The following CLDN16 variants were observed in gnomAD, a reference collection of about 807,000 sequenced individuals.
CLDN16 encodes claudin 16, also known as claudin-16.
CLDN16 carries 13 observed loss-of-function variants against 24.6 expected under a neutral mutation model. The observed-to-expected ratio is 0.53, with a 90% CI of 0.34 to 0.84. The LOEUF is 0.84. CLDN16 is among the 40% of genes least tolerant of loss of function. CLDN16 has a pLI of 0.01. For missense variants in CLDN16, 298 were observed against 292.7 expected, an observed-to-expected ratio of 1.02 and a Z score of -0.13; for synonymous variants, 116 against 106.7, an observed-to-expected ratio of 1.09 and a Z score of -0.54.
intron 3 of CLDN16, among the ~76,000 whole-genome samples, chr3:190,377,968 T>C (rs1273179373): frequency 6.6e-6 from 1 of 151,902 alleles, no homozygotes; most frequent in African/African-American, 2.4e-5. Context: ...GAGAAAGATA[T>C]GGGGATAACA....
At chr3:190,340,732 C>T (rs1717409121) in intron 1 of CLDN16, among the ~76,000 whole-genome samples, 1 of 152,158 alleles carries the variant, frequency 6.6e-6, no homozygotes, top group Admixed American at 6.5e-5. Context: ...ACTCAAAAGT[C>T]CAAAATCTCA....
intron 1 of CLDN16, among the ~76,000 whole-genome samples, chr3:190,332,134 AT>A (rs1477573909): frequency 2.0e-5 from 3 of 152,232 alleles, no homozygotes; most frequent in Non-Finnish European, 2.9e-5. Context: ...AATATAACAT[AT>A]CTCTGAGTTT....
chr3:190,390,311 C>T lies in CLDN16; in HGVS notation c.114+1868C>T, dbSNP rs141484411. ...CAATACTTTGGAAGGCCGAGGCGGG[C>T]AGATCACAGGTCAAGAGATTGAGAC... On this transcript the variant is annotated intron_variant, in intron 1 of 4. Transcript: ENST00000264734. Among the ~76,000 whole-genome samples the T allele has an allele frequency of 1.0e-3, 156 of 152,270 alleles. 4 individuals carry two copies. Among genetic ancestry groups the T allele is most frequent in the Admixed American group, 6.6e-3 (101 of 15,288 alleles).
the CLDN16 span, chr3:190,312,923 C>T: frequency 1.2e-6 from 2 of 1,614,202 alleles, no homozygotes; most frequent in Admixed American, 3.3e-5. Flanking sequence ...ATCTTCTGCA[C>T]CTCATCGTCT....
At chr3:190,358,360 T>C (rs1273187445) in intron 1 of CLDN16, among the ~76,000 whole-genome samples, 1 of 151,950 alleles carries the variant, frequency 6.6e-6, no homozygotes, top group African/African-American at 2.4e-5. Flanking sequence ...TATCTAATCA[T>C]GAGTGCATTC....
chr3:190,307,923 A>G, the CLDN16 span: 1 of 183,844 alleles, frequency 5.4e-6, no homozygotes, highest in Non-Finnish European at 1.2e-5. Flanking sequence ...GCTAGTATCA[A>G]CATAATGAGA....
At chr3:190,329,360 C>T (rs9865082) in intron 1 of CLDN16, among the ~76,000 whole-genome samples, 19,713 of 152,144 alleles carry the variant, frequency 0.13, 1,451 homozygotes, top group Middle Eastern at 0.23. Flanking sequence ...TTTACCCAGT[C>T]ATCACAGGAC....
In CLDN16 at chr3:190,406,768, G is replaced by A. The variant is rs374209377; in HGVS notation, c.383-1546G>A. Among the ~76,000 whole-genome samples the A allele has an allele frequency of 3.4e-3, 443 of 131,722 alleles. 4 individuals carry two copies. Among genetic ancestry groups the A allele is most frequent in the African/African-American group, 0.012 (420 of 34,232 alleles). The allele number at this position is 131,722 out of a possible 152,430, so 86.4% of individuals were successfully genotyped here. ...TTTTTTTTTTTTTTTTTGAGATGGA[G>A]TCTCGCTCTGTCGCCCAGGCTGGAG... On this transcript the variant is annotated intron_variant, in intron 3 of 4. Coordinates refer to ENST00000264734, the MANE Select transcript of CLDN16 (RefSeq NM_006580.4).
In CLDN16 at chr3:190,359,411, C is replaced by T. The variant is rs548958863; in HGVS notation, n.122-11482C>T. On this transcript the variant is annotated intron_variant and non_coding_transcript_variant, in intron 1 of 4. Coordinates refer to the CLDN16 transcript ENST00000468220. The stretch of plus-strand genomic sequence containing the variant: ...TAGCTCTATGTAAGTGTTCAGTAAA[C>T]TCTAATTGAATTAAATGAGTGGAAT... 5.9e-5 allele frequency among the ~76,000 whole-genome samples: 9 copies of T among 152,142 alleles called. 1 individual carries two copies. In the South Asian group the frequency reaches 1.9e-3, roughly 32 times the overall value.
rs555781902 is a variant in CLDN16, at chr3:190,324,637, G to A, written n.121+1976G>A. On this transcript the variant is annotated intron_variant and non_coding_transcript_variant, in intron 1 of 4. Coordinates refer to the CLDN16 transcript ENST00000468220. ...GAGGGATGAGTTCTGTGGTCAGCAG[G>A]GTCCCGTGTTTTTGTTTTGTATTTC... 2.1e-3 allele frequency among the ~76,000 whole-genome samples: 319 copies of A among 152,236 alleles called. 1 individual carries two copies. The highest frequency in any genetic ancestry group is 3.9e-3 in the Non-Finnish European group (262 of 68,012).
At chr3:190,374,649 C>A (rs1424625255) in intron 3 of CLDN16, 2 of 151,928 alleles carry the variant, frequency 1.3e-5, no homozygotes, top group African/African-American at 4.8e-5. Context: ...TAGACATTAG[C>A]TTTCTAGATA....
upstream of CLDN16, chr3:190,321,934 A>T: frequency 7.0e-7 from 1 of 1,427,460 alleles, no homozygotes. Flanking sequence ...AGGGAGCTGC[A>T]GGGGGACTGG....
chr3:190,331,608 G>A (rs9876372), intron 1 of CLDN16, among the ~76,000 whole-genome samples: 18,831 of 152,038 alleles, frequency 0.12, 1,297 homozygotes, highest in Middle Eastern at 0.23. Context: ...GCCACCTCAC[G>A]TACTTATGTT....
intron 1 of CLDN16, among the ~76,000 whole-genome samples, chr3:190,391,616 A>T (rs1320243475): frequency 6.6e-6 from 1 of 152,316 alleles, no homozygotes; most frequent in East Asian, 1.9e-4. Flanking sequence ...GGCCTTTCAG[A>T]TAAGGGGACA....
At chr3:190,382,379 T>C (rs1326101437) in intron 3 of CLDN16, among the ~76,000 whole-genome samples, 7 of 152,144 alleles carry the variant, frequency 4.6e-5, no homozygotes, top group African/African-American at 1.2e-4. Context: ...ACTGAGTAAT[T>C]GCTGAGGTTT....
intron 1 of CLDN16, among the ~76,000 whole-genome samples, chr3:190,334,490 A>C (rs567653939): frequency 9.8e-5 from 15 of 152,342 alleles, no homozygotes; most frequent in African/African-American, 3.6e-4. Context: ...AGCACTGGAC[A>C]ATTTTTTGTG....
intron 1 of CLDN16, among the ~76,000 whole-genome samples, chr3:190,360,018 T>A (rs1188271292): frequency 1.3e-5 from 2 of 151,950 alleles, no homozygotes; most frequent in Non-Finnish European, 2.9e-5. Flanking sequence ...TGAAGCTATG[T>A]TGGGTTGGGC....
At chr3:190,314,938 G>A in the CLDN16 span, among the ~76,000 whole-genome samples, 2 of 152,040 alleles carry the variant, frequency 1.3e-5, no homozygotes, top group South Asian at 2.1e-4. Context: ...CATGTTCCAC[G>A]GACCACAGGT....
chr3:190,339,583 A>G (rs1284110380), intron 1 of CLDN16, among the ~76,000 whole-genome samples: 2 of 152,226 alleles, frequency 1.3e-5, no homozygotes, highest in Middle Eastern at 3.2e-3. Context: ...AAGTTTAATG[A>G]TCATTGGAAA....
Sources: gnomAD v4.1 joint callset for allele counts (sites outside exome capture counted in the v4.1 genomes callset) on GRCh38, gnomAD v4.1.1 for gene constraint, MANE v1.5 for transcripts, NCBI Gene and HGNC (gene_info 2026-07-23, HGNC 2026-07-21) for gene names.